Variants in TNR observed in about 807,000 individuals in gnomAD.
TNR encodes the protein tenascin-R.
Under a neutral mutation model 150.4 loss-of-function variants are expected in TNR, and 45 were observed. That is an observed-to-expected ratio of 0.30 (90% CI 0.24 to 0.38). The LOEUF (loss-of-function observed/expected upper bound fraction) is 0.38, where lower values mean the gene tolerates loss of function less well. Ranked by LOEUF, TNR falls within the 10% of genes least tolerant of loss-of-function variation. The probability of loss-of-function intolerance (pLI) is 1.00; values close to 1 mark genes in which losing one functional copy is unlikely to be tolerated. For missense variants in TNR, 1,544 were observed against 1,759.1 expected (o/e 0.88, Z 2.19); for synonymous variants, 687 against 678.4 (o/e 1.01, Z -0.20).
chr1:175,633,856 G>C (rs1664411514), intron 1 of TNR, among the ~76,000 whole-genome samples: 1 of 152,170 alleles, frequency 6.6e-6, no homozygotes, highest in Admixed American at 6.5e-5. Flanking sequence ...CCATAGACCA[G>C]ATATGGTTCT....
In TNR at chr1:175,323,231, C is replaced by T; in HGVS notation, c.*126G>A. ...GTTAGCCAGCGGATTCCTGCGACAT[C>T]CCTGCTTCCTTCACATACTCTTAAT... On this transcript the variant is annotated 3_prime_UTR_variant, in exon 23 of 23. Coordinates refer to ENST00000367674, the MANE Select transcript of TNR (RefSeq NM_003285.3). 1 of 1,275,202 alleles carries T rather than the reference C, an allele frequency of 7.8e-7. No homozygotes were observed. Among genetic ancestry groups the T allele is most frequent in the South Asian group, 1.6e-5 (1 of 63,642 alleles). 79.0% of individuals were successfully genotyped at this position (1,275,202 alleles called of 1,614,324 possible).
intron 18 of TNR, among the ~76,000 whole-genome samples, chr1:175,347,838 C>T (rs183835398): frequency 3.9e-5 from 6 of 151,906 alleles, no homozygotes; most frequent in South Asian, 2.1e-4. Context: ...ATTCCTTTTG[C>T]GAATGCAACT....
intron 1 of TNR, among the ~76,000 whole-genome samples, chr1:175,656,841 T>C (rs1226472591): frequency 6.6e-6 from 1 of 152,150 alleles, no homozygotes; most frequent in East Asian, 1.9e-4. Context: ...GTGTGTGGTG[T>C]GTGCATGTTG....
rs766421633 is a variant in TNR at position 175,356,441 on chromosome 1, A to G, written c.2996T>C (p.Val999Ala). ...HFAVAGETIL[V>A]DGVSEEFRLV... ...CCGAAATTCCTCACTGACTCCGTCA[A>G]CAAGGATGGTCTCTCCAGCGACTGA... The change falls in exon 16 of 23, where the codon GTT becomes GCT. Residue 999 changes from valine (V) to alanine (A), a missense_variant. Coordinates refer to ENST00000367674, the MANE Select transcript of TNR (RefSeq NM_003285.3). 1.9e-6 allele frequency: 3 copies of G among 1,614,044 alleles called. No individual in the cohort carries two copies. Among genetic ancestry groups the G allele is most frequent in the Non-Finnish European group, 2.5e-6 (3 of 1,179,922 alleles).
chr1:175,656,023 C>T (rs1378500416), intron 1 of TNR, among the ~76,000 whole-genome samples: 1 of 152,026 alleles, frequency 6.6e-6, no homozygotes, highest in African/African-American at 2.4e-5. Context: ...AAGCTATGTG[C>T]CCCATGCAGA....
chr1:175,438,317 A>G (rs1020875055), intron 2 of TNR, among the ~76,000 whole-genome samples: 2 of 152,256 alleles, frequency 1.3e-5, no homozygotes, highest in Non-Finnish European at 2.9e-5. Flanking sequence ...GGCCTTTGAC[A>G]AAATTCAACA....
At chr1:175,389,642 G>T (rs7534171) in intron 7 of TNR, among the ~76,000 whole-genome samples, 7,842 of 152,252 alleles carry the variant, frequency 0.052, 686 homozygotes, top group African/African-American at 0.18. Context: ...AGGCTCCTTT[G>T]TCATGTGAAA....
intron 2 of TNR, among the ~76,000 whole-genome samples, chr1:175,523,797 TATTGTTCCC>T (rs1659738035): frequency 6.6e-6 from 1 of 152,210 alleles, no homozygotes; most frequent in African/African-American, 2.4e-5. Flanking sequence ...TTAAACCCTC[TATTGTTCCC>T]ATTGTTTGCA....
chr1:175,404,141 T>A (rs529295329), intron 3 of TNR, among the ~76,000 whole-genome samples: 49 of 152,218 alleles, frequency 3.2e-4, no homozygotes, highest in African/African-American at 1.2e-3. Flanking sequence ...CCCCTCATTC[T>A]CTCTCTGGGC....
chr1:175,394,028 C>A (rs1557904857), intron 5 of TNR, 133 bp from the exon 6 acceptor site: 2 of 693,066 alleles, frequency 2.9e-6, no homozygotes, highest in Non-Finnish European at 5.0e-6. Context: ...CCCAATCTTG[C>A]TCCAGACACA....
In TNR at chr1:175,547,680, G is replaced by GAGAA. The variant is rs6143492; in HGVS notation, c.-164-19315_-164-19312dup. On this transcript the variant is annotated intron_variant, in intron 1 of 22. Transcript: ENST00000367674. ...GAAGAAAGAAAGAAAGAAAGAGAGA[G>GAGAA]AGAAAGAAAGAAAAAAGAAAGAGAA... 6.9e-3 allele frequency among the ~76,000 whole-genome samples: 1,046 copies of GAGAA among 151,476 alleles called. 14 individuals are homozygous for GAGAA. Among genetic ancestry groups the GAGAA allele is most frequent in the African/African-American group, 0.022 (927 of 41,222 alleles).
At chr1:175,680,227 T>C (rs571449329) in intron 1 of TNR, among the ~76,000 whole-genome samples, 5 of 152,330 alleles carry the variant, frequency 3.3e-5, no homozygotes, top group African/African-American at 9.6e-5. Flanking sequence ...CCTGAGTTCA[T>C]TGTTATTCTT....
chr1:175,406,886 G>T (rs1043010052), intron 2 of TNR, 109 bp from the exon 3 acceptor site: 2 of 766,110 alleles, frequency 2.6e-6, no homozygotes, highest in Non-Finnish European at 2.1e-6. Context: ...ATTTTCAAGG[G>T]GGGGGCGTCA....
chr1:175,606,368 T>C (rs1663403434), intron 1 of TNR, among the ~76,000 whole-genome samples: 1 of 152,138 alleles, frequency 6.6e-6, no homozygotes, highest in Non-Finnish European at 1.5e-5. Flanking sequence ...GTAAATAAAA[T>C]GCAAAATATG....
chr1:175,403,583 T>C lies in TNR; in HGVS notation c.533A>G (p.His178Arg). 3 of 1,613,968 alleles carry C rather than the reference T, an allele frequency of 1.9e-6. No individual in the cohort carries two copies. Among genetic ancestry groups the C allele is most frequent in the Non-Finnish European group, 2.5e-6 (3 of 1,179,964 alleles). Residue 178 changes from histidine to arginine, a missense_variant, in exon 4 of 23, where the codon CAC becomes CGC. By Grantham distance (29) the His-to-Arg change is conservative (BLOSUM62 0). Around this residue, in one of 2 missense-constraint regions of TNR, gnomAD observed 1,254 missense variants for 1,329.4 expected, o/e 0.94. Coordinates refer to ENST00000367674, the MANE Select transcript of TNR (RefSeq NM_003285.3). Reference sequence around the variant, plus strand: ...ACAGGACTCAAAGCTAAAGTTGCCGTGGCCACTGCAGTGAGGGATATAGTC... The same window carrying C: ...ACAGGACTCAAAGCTAAAGTTGCCGCGGCCACTGCAGTGAGGGATATAGTC... ...QLDYIPHCSG[H>R]GNFSFESCGC...
rs144121428 is a variant in TNR, at chr1:175,491,876, C to A, written c.-64+36393G>T. Among the ~76,000 whole-genome samples, 1,358 of 152,154 alleles carry A rather than the reference C, an allele frequency of 8.9e-3. 19 individuals are homozygous for A. The highest frequency in any genetic ancestry group is 0.031 in the African/African-American group (1,283 of 41,504). ...GTGTTAGCCAGGATGGTCTCGATCT[C>A]CTGACCTCGTGATCCGCCCGCCTTG... On this transcript the variant is annotated intron_variant, in intron 2 of 22. Transcript: ENST00000367674.
chr1:175,365,810 A>G, intron 11 of TNR, 65 bp downstream of exon 11: 2 of 1,561,054 alleles, frequency 1.3e-6, no homozygotes, highest in Non-Finnish European at 1.7e-6. Flanking sequence ...ACTTGCCTGA[A>G]TGAATTTCTC....
At chr1:175,704,901 T>A (rs969272710) in intron 1 of TNR, among the ~76,000 whole-genome samples, 2 of 152,206 alleles carry the variant, frequency 1.3e-5, no homozygotes, top group Non-Finnish European at 2.9e-5. Context: ...GATAATTTCC[T>A]TTAAGTTCCT....
Position 175,470,508 on chromosome 1 carries a change from T to A in TNR, c.-64+57761A>T, listed in dbSNP as rs1280290214. 6.6e-5 allele frequency among the ~76,000 whole-genome samples: 10 copies of A among 152,288 alleles called. No homozygotes were observed. The East Asian group carries it at 1.9e-3, about 29-fold the overall frequency. The stretch of plus-strand genomic sequence containing the variant: ...TTATTTTAAATTTTTAATTGTTTAA[T>A]TTTTAACAATTTTTGTGGGTACATA... On this transcript the variant is annotated intron_variant, in intron 2 of 22. Transcript: ENST00000367674.
Sources: allele counts gnomAD v4.1 joint callset (sites outside exome capture counted in the v4.1 genomes callset), GRCh38; gene constraint gnomAD v4.1.1; regional missense constraint gnomAD v4.1.1; transcripts MANE v1.5; gene names NCBI Gene and HGNC (gene_info 2026-07-23, HGNC 2026-07-21).